Variants in PRR11 observed in about 807,000 individuals in gnomAD.
PRR11 encodes the protein proline rich 11.
A neutral mutation model predicts 45.6 loss-of-function variants in PRR11; 30 were observed. The observed-to-expected ratio is 0.66, with a 90% CI of 0.49 to 0.89. The LOEUF (loss-of-function observed/expected upper bound fraction) is 0.89. Ranked by LOEUF, PRR11 falls within the 40% of genes least tolerant of loss-of-function variation. The pLI is 0.00. For missense variants in PRR11, 373 were observed against 424.8 expected, an observed-to-expected ratio of 0.88 and a Z score of 1.07; for synonymous variants, 128 against 153.5, an observed-to-expected ratio of 0.83 and a Z score of 1.23.
rs1465930868 is a variant in PRR11 at position 59,197,720 on chromosome 17, T to G, written c.945T>G (p.Asn315Lys). Reference protein sequence around the residue: ...ERSPGGTPLTNKENMETGTGL... With the variant: ...ERSPGGTPLTKKENMETGTGL... ...GCCCAGGTGGAACCCCTCTTACCAA[T>G]AAGGAAAATATGGAAACAGGAACAG... Residue 315 changes from asparagine (N) to lysine (K), a missense_variant, in exon 9 of 10, where the codon AAT (asparagine) becomes AAG (lysine). Transcript: ENST00000262293. 6.2e-7 allele frequency: 1 copy of G among 1,613,952 alleles called. No homozygotes were observed. The highest frequency in any genetic ancestry group is 8.5e-7 in the Non-Finnish European group (1 of 1,179,986).
chr17:59,198,490 A>G (rs902020159), intron 9 of PRR11, among the ~76,000 whole-genome samples: 23 of 152,210 alleles, frequency 1.5e-4, no homozygotes, highest in Non-Finnish European at 7.3e-5. Context: ...CCTGACCAAC[A>G]TGGTGAAACC....
Position 59,197,553 on chromosome 17 carries a change from A to G in PRR11, c.867A>G (p.Gly289=). 1 of 1,613,790 alleles carries G rather than the reference A, an allele frequency of 6.2e-7. No individual in the cohort carries two copies. The highest frequency in any genetic ancestry group is 2.2e-5 in the East Asian group (1 of 44,878). Residue 289 remains glycine (G), a synonymous_variant, in exon 8 of 10, where the codon GGA becomes GGG. Coordinates refer to ENST00000262293, the MANE Select transcript of PRR11 (RefSeq NM_018304.4). ...ATCTTTGTTTTATCAGCACTCCTGG[A>G]AAAAGTCAGATGGATCTGCGGAAAC... ...TRVTNVLITP[G]KSQMDLRKLL... is the part of the protein sequence containing the mutation.
In PRR11 at chr17:59,197,609, A is replaced by G. The variant is rs200579107; in HGVS notation, c.917+6A>G. 6.2e-7 allele frequency: 1 copy of G among 1,612,304 alleles called. No homozygotes were observed. Among genetic ancestry groups the G allele is most frequent in the East Asian group, 2.2e-5 (1 of 44,872 alleles). On this transcript the variant is annotated splice_donor_region_variant and intron_variant, in intron 8 of 9. Coordinates refer to ENST00000262293, the MANE Select transcript of PRR11 (RefSeq NM_018304.4). ...AGAAAAGTCGATGTAGAGAGGTAAT[A>G]CACTCTCATATCTTTATGCCTTCTA...
intron 2 of PRR11, among the ~76,000 whole-genome samples, chr17:59,177,860 T>C (rs371092110): frequency 4.6e-5 from 7 of 152,170 alleles, no homozygotes; most frequent in East Asian, 1.9e-4. Flanking sequence ...TAAAAATTAT[T>C]CGAGCATGAT....
chr17:59,191,956 C>G (rs1463258748), intron 4 of PRR11, among the ~76,000 whole-genome samples: 2 of 152,100 alleles, frequency 1.3e-5, no homozygotes, highest in Non-Finnish European at 2.9e-5. Context: ...TGGGATGATA[C>G]CATTTGTGGG....
intron 2 of PRR11, among the ~76,000 whole-genome samples, chr17:59,174,748 A>C (rs546959870): frequency 2.6e-5 from 4 of 152,300 alleles, no homozygotes; most frequent in African/African-American, 9.6e-5. Context: ...CCTCAGGCTG[A>C]TGACCTCAGG....
Position 59,205,226 on chromosome 17 carries a change from C to T in PRR11, c.*3595C>T, listed in dbSNP as rs529690029. On this transcript the variant is annotated 3_prime_UTR_variant, in exon 10 of 10. Coordinates refer to ENST00000262293, the MANE Select transcript of PRR11 (RefSeq NM_018304.4). ...TAACCATTCGAGAACTCTGTAAGTG[C>T]TATGGCTTCCTTAAACTACGATTTA... Among the ~76,000 whole-genome samples the T allele has an allele frequency of 6.6e-6, 1 of 152,222 alleles. No homozygotes were observed. Among genetic ancestry groups the T allele is most frequent in the South Asian group, 2.1e-4 (1 of 4,816 alleles).
At chr17:59,185,638 G>A in intron 4 of PRR11, 76 bp downstream of exon 4, 2 of 1,269,930 alleles carry the variant, frequency 1.6e-6, no homozygotes, top group Non-Finnish European at 2.2e-6. Flanking sequence ...ATTGCAATAG[G>A]GAAAATGCTC....
At chr17:59,184,883 G>A (rs489929) in intron 2 of PRR11, among the ~76,000 whole-genome samples, 171 bp from the exon 3 acceptor site, 10,064 of 128,750 alleles carry the variant, frequency 0.078, 648 homozygotes, top group Non-Finnish European at 0.12. Context: ...TTTTGGCAGG[G>A]ACAGGGTTTT....
At chr17:59,182,041 G>A (rs201991801) in intron 2 of PRR11, among the ~76,000 whole-genome samples, 1 of 89,260 alleles carries the variant, frequency 1.1e-5, no homozygotes, top group Non-Finnish European at 2.4e-5. Flanking sequence ...TTTTTTTTTT[G>A]TTTCGAGACA....
At chr17:59,199,226 A>T (rs2147857127) in intron 9 of PRR11, among the ~76,000 whole-genome samples, 1 of 152,302 alleles carries the variant, frequency 6.6e-6, no homozygotes, top group African/African-American at 2.4e-5. Context: ...AGAGGCATTT[A>T]CTGGATAGGG....
At chr17:59,170,794 C>A (rs559138312) in intron 2 of PRR11, among the ~76,000 whole-genome samples, 1 of 152,204 alleles carries the variant, frequency 6.6e-6, no homozygotes, top group East Asian at 1.9e-4. Context: ...AACCAAAACC[C>A]CATTAAGGAA....
chr17:59,197,493 C>T (rs1350631731), intron 7 of PRR11, 51 bp from the exon 8 acceptor site: 2 of 1,496,202 alleles, frequency 1.3e-6, no homozygotes, highest in South Asian at 2.3e-5. Context: ...CCTTGTGATC[C>T]ACCTGCCTCA....
intron 7 of PRR11, 81 bp downstream of exon 7, chr17:59,195,524 A>C: frequency 2.2e-6 from 2 of 925,600 alleles, no homozygotes; most frequent in Non-Finnish European, 3.2e-6. Flanking sequence ...AAAAGGAAAA[A>C]AAGATTTTTT....
Position 59,169,868 on chromosome 17 carries a change from C to T in PRR11, c.116C>T (p.Pro39Leu), listed in dbSNP as rs1438861672. ...CTAATTACACCTCCTCCTCCACCAC[C>T]CTCACCAGAAAGGTAAGGCTTAATG... ...SKLITPPPPP[P>L]SPERVGISSI... Residue 39 changes from proline (P) to leucine (L), a missense_variant, in exon 2 of 10, where the codon CCC becomes CTC. Physicochemically the swap from Pro to Leu is moderately conservative, Grantham distance 98. Transcript: ENST00000262293. 1 of 1,604,028 alleles carries T rather than the reference C, an allele frequency of 6.2e-7. No individual in the cohort carries two copies.
chr17:59,192,446 G>A (rs905428970), intron 4 of PRR11, among the ~76,000 whole-genome samples: 2 of 152,168 alleles, frequency 1.3e-5, no homozygotes, highest in East Asian at 3.8e-4. Flanking sequence ...TCATAGGGTC[G>A]TTGTATTTGT....
chr17:59,193,537 C>G lies in PRR11; in HGVS notation c.448C>G (p.His150Asp). The G allele has an allele frequency of 6.2e-7, 1 of 1,614,164 alleles. No individual in the cohort carries two copies. The highest frequency in any genetic ancestry group is 8.5e-7 in the Non-Finnish European group (1 of 1,180,022). Residue 150 changes from histidine to aspartate, a missense_variant, in exon 5 of 10, where the codon CAC becomes GAC. Transcript: ENST00000262293. ...CTGTCCAAGCTGTGGTCAAACATGTCACATGAGTGGTAAACTTACAAATGT... is the reference window on the plus strand; with the variant it reads ...CTGTCCAAGCTGTGGTCAAACATGTGACATGAGTGGTAAACTTACAAATGT... ...SSCPSCGQTCHMSGKLTNVPA... is the reference protein window; with the variant it reads ...SSCPSCGQTCDMSGKLTNVPA...
chr17:59,178,878 T>C (rs1406190807), intron 2 of PRR11, among the ~76,000 whole-genome samples: 1 of 152,214 alleles, frequency 6.6e-6, no homozygotes, highest in East Asian at 1.9e-4. Context: ...GGTGTGACTA[T>C]GGCCTAGGTA....
chr17:59,160,394 G>A (rs995874137), intron 1 of PRR11, among the ~76,000 whole-genome samples: 3 of 151,988 alleles, frequency 2.0e-5, no homozygotes, highest in Non-Finnish European at 2.9e-5. Flanking sequence ...GGTTGGTTTC[G>A]GTTTTGGTTT....
Sources: gnomAD v4.1 joint callset for allele counts (sites outside exome capture counted in the v4.1 genomes callset) on GRCh38, gnomAD v4.1.1 for gene constraint, MANE v1.5 for transcripts, NCBI Gene and HGNC (gene_info 2026-07-23, HGNC 2026-07-21) for gene names.